Variants in PRR5 observed in about 807,000 individuals in gnomAD.
PRR5 encodes the protein proline-rich protein 5.
A neutral mutation model predicts 30.6 loss-of-function variants in PRR5; 25 were observed. The ratio of observed to expected loss-of-function variants is 0.82; its 90% CI spans 0.60 to 1.14. The LOEUF (loss-of-function observed/expected upper bound fraction) is 1.14. Among genes scored for constraint, PRR5 ranks in the 50% most tolerant of loss-of-function variants. The pLI is 0.00. For missense variants in PRR5, 600 were observed against 547.1 expected, an observed-to-expected ratio of 1.10 and a Z score of -0.96; for synonymous variants, 286 against 247.1, an observed-to-expected ratio of 1.16 and a Z score of -1.48.
At chr22:44,693,616 CTTTTT>C (rs1228023916) in intron 1 of PRR5, among the ~76,000 whole-genome samples, 10 of 90,564 alleles carry the variant, frequency 1.1e-4, no homozygotes, top group Non-Finnish European at 1.5e-4. Flanking sequence ...TTCACATGGA[CTTTTT>C]TTTTTTTTTT....
At chr22:44,693,251 C>T (rs1413065643) in intron 1 of PRR5, among the ~76,000 whole-genome samples, 1 of 152,126 alleles carries the variant, frequency 6.6e-6, no homozygotes, top group South Asian at 2.1e-4. Flanking sequence ...GTTGCTTGAT[C>T]CCAGGAGTTC....
chr22:44,736,627 G>GGACCTGC, intron 7 of PRR5, 145 bp from the exon 8 acceptor site: 1 of 1,371,648 alleles, frequency 7.3e-7, no homozygotes. Context: ...GCTTGTGGCG[G>GGACCTGC]TGGGACCTGC....
rs1601990674 is a variant in PRR5, at chr22:44,702,422, G to T, written c.-53G>T. 3 of 1,256,032 alleles carry T rather than the reference G, an allele frequency of 2.4e-6. No individual in the cohort carries two copies. The highest frequency in any genetic ancestry group is 3.0e-6 in the Non-Finnish European group (3 of 999,104). The allele number at this position is 1,256,032 out of a possible 1,614,324, so 77.8% of individuals were successfully genotyped here. ...CCCGGGGCCCTTGGTGCGGCGTGGC[G>T]CAGGGCGCGGCGTGGGGCGCGCGTG... On this transcript the variant is annotated 5_prime_UTR_variant, in exon 1 of 8. Coordinates refer to ENST00000336985, the MANE Select transcript of PRR5 (RefSeq NM_181333.4).
At chr22:44,722,064 C>G (rs1404161203) in intron 2 of PRR5, among the ~76,000 whole-genome samples, 1 of 152,158 alleles carries the variant, frequency 6.6e-6, no homozygotes, top group Non-Finnish European at 1.5e-5. Flanking sequence ...GTTGGGGGGA[C>G]TGCTGGGGCG....
At position 44,691,193 on chromosome 22, in the gene PRR5, T is replaced by G; in HGVS notation, c.-10-11299T>G. ...TGAGCCCAGGCTTCAGGTAGGAAGATCTGGGCTGCTTCCGGGAGGATTTGG... is the reference window on the plus strand; with the variant it reads ...TGAGCCCAGGCTTCAGGTAGGAAGAGCTGGGCTGCTTCCGGGAGGATTTGG... On this transcript the variant is annotated intron_variant, in intron 1 of 8. Transcript: ENST00000006251. This position sits in a 1 kb window ranked among gnomAD's most constrained non-coding sequence, Gnocchi z 4.4. 6.6e-6 allele frequency among the ~76,000 whole-genome samples: 1 copy of G among 152,162 alleles called. No homozygotes were observed. Among genetic ancestry groups the G allele is most frequent in the South Asian group, 2.1e-4 (1 of 4,820 alleles).
intron 4 of PRR5, among the ~76,000 whole-genome samples, chr22:44,727,788 G>T (rs1017321616): frequency 6.6e-6 from 1 of 152,182 alleles, no homozygotes; most frequent in African/African-American, 2.4e-5. Flanking sequence ...TGCGTGTCAT[G>T]GTCCTTCCTC....
At chr22:44,694,666 C>T (rs888026457) in intron 1 of PRR5, among the ~76,000 whole-genome samples, 1 of 152,174 alleles carries the variant, frequency 6.6e-6, no homozygotes, top group African/African-American at 2.4e-5. Context: ...GATAAGTCAC[C>T]TAACCTTTCA....
At chr22:44,698,801 G>A (rs560438896), upstream of PRR5, among the ~76,000 whole-genome samples, 6 of 152,326 alleles carry the variant, frequency 3.9e-5, no homozygotes, top group South Asian at 4.1e-4. Context: ...TTCCTCCGAC[G>A]CTGCAGGCCA....
upstream of PRR5, among the ~76,000 whole-genome samples, chr22:44,701,039 C>T (rs760429538): frequency 2.7e-5 from 4 of 148,580 alleles, no homozygotes; most frequent in African/African-American, 7.5e-5. Flanking sequence ...TGCACCACCA[C>T]GCCCAGCTAA....
intron 7 of PRR5, 121 bp from the exon 8 acceptor site, chr22:44,736,651 G>T: frequency 6.9e-7 from 1 of 1,445,208 alleles, no homozygotes; most frequent in Non-Finnish European, 9.1e-7. Flanking sequence ...GCCGGGCCCC[G>T]GGTCGGGCCT....
chr22:44,687,972 A>G (rs1205150200), intron 1 of PRR5, among the ~76,000 whole-genome samples: 3 of 149,558 alleles, frequency 2.0e-5, no homozygotes, highest in African/African-American at 7.3e-5. Flanking sequence ...ACGGGGTTTC[A>G]CCCTGTTGGT....
intron 4 of PRR5, chr22:44,730,493 G>C (rs773993103): frequency 4.1e-5 from 41 of 988,704 alleles, no homozygotes; most frequent in Non-Finnish European, 4.7e-5. Flanking sequence ...GCCAGCTTGG[G>C]CAGCTGTCCC....
At position 44,708,235 on chromosome 22, in the gene PRR5, A is replaced by G. The variant is rs185302866; in HGVS notation, c.134+5627A>G. ...AAACAAAAAACAAATAGGGAAACCA[A>G]TGCCAGAGGAGGAAAGGCACTCGAT... On this transcript the variant is annotated intron_variant, in intron 1 of 7. Coordinates refer to ENST00000336985, the MANE Select transcript of PRR5 (RefSeq NM_181333.4). 9.3e-4 allele frequency among the ~76,000 whole-genome samples: 141 copies of G among 152,268 alleles called. 1 individual carries two copies. The highest frequency in any genetic ancestry group is 3.4e-3 in the Middle Eastern group (1 of 294).
intron 2 of PRR5, among the ~76,000 whole-genome samples, chr22:44,723,020 C>G (rs1405893171): frequency 6.7e-6 from 1 of 149,892 alleles, no homozygotes; most frequent in Non-Finnish European, 1.5e-5. Context: ...GAGACTCGCT[C>G]TGTCACCCAG....
At chr22:44,725,168 C>G in intron 2 of PRR5, 76 bp from the exon 3 acceptor site, 8 of 1,594,106 alleles carry the variant, frequency 5.0e-6, no homozygotes, top group Non-Finnish European at 6.9e-6. Flanking sequence ...CCAGGAGGCC[C>G]CACCCCAGTC....
At chr22:44,685,312 G>A (rs1430881384) in intron 1 of PRR5, among the ~76,000 whole-genome samples, 1 of 152,168 alleles carries the variant, frequency 6.6e-6, no homozygotes, top group Non-Finnish European at 1.5e-5. Flanking sequence ...CTCACCATCT[G>A]TAAAATGGAC....
intron 2 of PRR5, among the ~76,000 whole-genome samples, chr22:44,717,062 A>G (rs562371997): frequency 2.0e-4 from 31 of 152,204 alleles, no homozygotes; most frequent in African/African-American, 6.5e-4. Context: ...CCCCATCTCA[A>G]AAGAAAAAAA....
chr22:44,706,601 C>T (rs1007519572), intron 1 of PRR5, among the ~76,000 whole-genome samples: 1 of 152,232 alleles, frequency 6.6e-6, no homozygotes, highest in Non-Finnish European at 1.5e-5. Context: ...ACAATCATGG[C>T]TCAGGCAGCC....
chr22:44,703,764 T>A (rs1926748790), intron 1 of PRR5, among the ~76,000 whole-genome samples: 1 of 152,138 alleles, frequency 6.6e-6, no homozygotes, highest in African/African-American at 2.4e-5. Context: ...ACACCTGTAA[T>A]CCTAGCACTT....
Sources: gnomAD v4.1 joint callset for allele counts (sites outside exome capture counted in the v4.1 genomes callset) on GRCh38, gnomAD v4.1.1 for gene constraint, Gnocchi (gnomAD v3.1) non-coding constraint, MANE v1.5 for transcripts, NCBI Gene and HGNC (gene_info 2026-07-23, HGNC 2026-07-21) for gene names.